HPSE2: variants seen among roughly 807,000 people sequenced by gnomAD.
HPSE2 encodes heparanase 2 (inactive).
A neutral mutation model predicts 60.5 loss-of-function variants in HPSE2; 38 were observed. That is an observed-to-expected ratio of 0.63 (90% CI 0.48 to 0.82). The LOEUF is 0.82. Ranked by LOEUF, HPSE2 falls within the 40% of genes least tolerant of loss-of-function variation. The pLI is 0.00. For synonymous variants in HPSE2, 295 were observed against 293.2 expected (o/e 1.01, Z -0.06); for missense variants, 713 against 740.4 (o/e 0.96, Z 0.43).
chr10:98,502,075 T>A (rs10748734), intron 9 of HPSE2, among the ~76,000 whole-genome samples: 139,214 of 152,222 alleles, frequency 0.91, 64,865 homozygotes, highest in East Asian at 1. Context: ...AACACATCCC[T>A]TACTCATGGA....
At chr10:98,773,808 C>T (rs919738577) in intron 3 of HPSE2, among the ~76,000 whole-genome samples, 7 of 152,162 alleles carry the variant, frequency 4.6e-5, no homozygotes, top group Non-Finnish European at 8.8e-5. Context: ...TGGCTCATGC[C>T]TTTGGGAGGC....
chr10:99,198,506 A>G (rs757069254), intron 2 of HPSE2, among the ~76,000 whole-genome samples: 1 of 152,202 alleles, frequency 6.6e-6, no homozygotes, highest in Non-Finnish European at 1.5e-5. Flanking sequence ...ACTTTTATAG[A>G]GCTTACAACT....
chr10:98,908,009 T>C (rs1187618760), intron 3 of HPSE2, among the ~76,000 whole-genome samples: 1 of 152,170 alleles, frequency 6.6e-6, no homozygotes, highest in East Asian at 1.9e-4. Flanking sequence ...CATTATCAAG[T>C]TCCAAGAGAT....
rs1194779620 is a variant in HPSE2, at chr10:98,785,779, C to A, written c.611-41723G>T. ...ATGGTAGTTTGTATTTCTGTGGGAT[C>A]GGTGGTGATATCCCCTTTATCATTT... On this transcript the variant is annotated intron_variant, in intron 3 of 11. Coordinates refer to ENST00000370552, the MANE Select transcript of HPSE2 (RefSeq NM_021828.5). Among the ~76,000 whole-genome samples the A allele has an allele frequency of 5.3e-3, 113 of 21,414 alleles. 1 individual carries two copies. Among genetic ancestry groups the A allele is most frequent in the Non-Finnish European group, 7.8e-3 (96 of 12,320 alleles). 14.0% of individuals were successfully genotyped at this position (21,414 alleles called of 152,430 possible). A position where few individuals can be genotyped will look rare whatever the true frequency, so the allele number is the denominator to read the frequency against.
intron 3 of HPSE2, among the ~76,000 whole-genome samples, chr10:99,081,476 A>C (rs576787978): frequency 6.6e-6 from 1 of 152,226 alleles, no homozygotes; most frequent in African/African-American, 2.4e-5. Flanking sequence ...GGATGTGCTA[A>C]AGATTAAAAA....
chr10:98,692,806 G>T (rs1948113986), intron 6 of HPSE2, among the ~76,000 whole-genome samples: 1 of 152,020 alleles, frequency 6.6e-6, no homozygotes, highest in African/African-American at 2.4e-5. Flanking sequence ...AGAAGAATAA[G>T]AATTTCTGAA....
chr10:98,528,860 A>G (rs950207662), intron 9 of HPSE2, among the ~76,000 whole-genome samples: 2 of 152,246 alleles, frequency 1.3e-5, no homozygotes, highest in Admixed American at 6.5e-5. Flanking sequence ...AAAGCCATAT[A>G]AATCTGACAG....
intron 2 of HPSE2, among the ~76,000 whole-genome samples, chr10:99,161,411 A>C (rs1245910331): frequency 6.6e-6 from 1 of 152,154 alleles, no homozygotes; most frequent in Non-Finnish European, 1.5e-5. Flanking sequence ...GATAACCTCA[A>C]CAACATTAGA....
chr10:98,713,088 G>C (rs1014984860), intron 5 of HPSE2, among the ~76,000 whole-genome samples: 2 of 152,146 alleles, frequency 1.3e-5, no homozygotes, highest in Non-Finnish European at 1.5e-5. Flanking sequence ...CAGTCATGTG[G>C]GGAGGAGACT....
intron 3 of HPSE2, among the ~76,000 whole-genome samples, chr10:98,915,463 T>C (rs930471922): frequency 6.6e-6 from 1 of 152,066 alleles, no homozygotes; most frequent in African/African-American, 2.4e-5. Context: ...TCCATTTTTT[T>C]ACAATAAGCA....
At chr10:99,149,313 A>G (rs1354550781) in intron 2 of HPSE2, among the ~76,000 whole-genome samples, 1 of 152,186 alleles carries the variant, frequency 6.6e-6, no homozygotes, top group Non-Finnish European at 1.5e-5. Context: ...ACCCAGGCAT[A>G]ATGAAGTAAT....
At chr10:98,544,962 C>T (rs377320370) in intron 9 of HPSE2, among the ~76,000 whole-genome samples, 53 of 151,914 alleles carry the variant, frequency 3.5e-4, no homozygotes, top group African/African-American at 1.2e-3. Flanking sequence ...TAAAAAATGA[C>T]AAAGGGGATA....
chr10:99,234,968 C>A (rs1849789969), intron 1 of HPSE2, among the ~76,000 whole-genome samples: 1 of 152,148 alleles, frequency 6.6e-6, no homozygotes, highest in Non-Finnish European at 1.5e-5. Flanking sequence ...CCAACTTGCC[C>A]ACCACTCAAG....
chr10:98,682,546 G>T (rs912238579), intron 6 of HPSE2, among the ~76,000 whole-genome samples: 1 of 152,102 alleles, frequency 6.6e-6, no homozygotes, highest in Non-Finnish European at 1.5e-5. Flanking sequence ...TTACCCTCAT[G>T]ATCAGGTGGC....
intron 9 of HPSE2, among the ~76,000 whole-genome samples, chr10:98,499,958 A>C (rs1941976954): frequency 6.6e-6 from 1 of 152,232 alleles, no homozygotes; most frequent in African/African-American, 2.4e-5. Context: ...GGCCTTGGCT[A>C]ACAGGAAAAT....
chr10:99,011,572 G>T (rs1391876079), intron 3 of HPSE2, among the ~76,000 whole-genome samples: 1 of 151,536 alleles, frequency 6.6e-6, no homozygotes, highest in Non-Finnish European at 1.5e-5. Context: ...CCTAGCCAAC[G>T]TCGTGAAACC....
At chr10:99,086,276 A>G (rs1843312267) in intron 3 of HPSE2, among the ~76,000 whole-genome samples, 1 of 152,048 alleles carries the variant, frequency 6.6e-6, no homozygotes, top group Admixed American at 6.6e-5. Context: ...TGAATTGAAG[A>G]CTTGAAGAAA....
rs370745669 is a variant in HPSE2 at position 98,846,981 on chromosome 10, G to A, written c.611-102925C>T. 5.3e-5 allele frequency among the ~76,000 whole-genome samples: 8 copies of A among 152,112 alleles called. No individual in the cohort carries two copies. The South Asian group carries it at 1.0e-3, about 20-fold the overall frequency. The stretch of plus-strand genomic sequence containing the variant: ...TGTGTATATGCAGAGGTAAAATGAC[G>A]TCATGATCTCAGAGAAGTTTCAAGC... On this transcript the variant is annotated intron_variant, in intron 3 of 11. Coordinates refer to ENST00000370552, the MANE Select transcript of HPSE2 (RefSeq NM_021828.5).
chr10:98,809,793 T>C (rs1392057329), intron 3 of HPSE2, among the ~76,000 whole-genome samples: 1 of 152,146 alleles, frequency 6.6e-6, no homozygotes, highest in Admixed American at 6.5e-5. Context: ...GCATGCTACA[T>C]ATTGAAGGCA....
Sources: gnomAD v4.1 joint callset for allele counts (sites outside exome capture counted in the v4.1 genomes callset) on GRCh38, gnomAD v4.1.1 for gene constraint, MANE v1.5 for transcripts, NCBI Gene and HGNC (gene_info 2026-07-23, HGNC 2026-07-21) for gene names.